PRMT8: variants seen among roughly 807,000 people sequenced by gnomAD.
PRMT8 encodes protein arginine methyltransferase 8.
A neutral mutation model predicts 47.1 loss-of-function variants in PRMT8; 7 were observed. The observed-to-expected ratio is 0.15, with a 90% CI of 0.08 to 0.28. PRMT8 has a LOEUF of 0.28. Among genes scored for constraint, PRMT8 ranks in the 10% least tolerant of loss-of-function variants. The pLI, the probability that PRMT8 is intolerant of heterozygous loss-of-function variation, is 1.00. For synonymous variants in PRMT8, 188 were observed against 186.5 expected, an observed-to-expected ratio of 1.01 and a Z score of -0.07; for missense variants, 237 against 505.4, an observed-to-expected ratio of 0.47 and a Z score of 5.09.
intron 1 of PRMT8, among the ~76,000 whole-genome samples, chr12:3,473,316 G>A (rs551945535): frequency 2.0e-5 from 3 of 151,886 alleles, no homozygotes; most frequent in South Asian, 2.1e-4. Context: ...CAGGCCTCAC[G>A]GACCTCCAGG....
chr12:3,565,781 C>T (rs1209347099), intron 4 of PRMT8, among the ~76,000 whole-genome samples: 3 of 152,184 alleles, frequency 2.0e-5, no homozygotes, highest in African/African-American at 4.8e-5. Flanking sequence ...ACACAGAGAA[C>T]ATGAGCAGCA....
At chr12:3,435,375 G>C (rs536775536) in intron 1 of PRMT8, among the ~76,000 whole-genome samples, 45 of 152,220 alleles carry the variant, frequency 3.0e-4, no homozygotes, top group African/African-American at 9.9e-4. Flanking sequence ...CTGCATATCA[G>C]ACAGGGATAA....
intron 1 of PRMT8, among the ~76,000 whole-genome samples, chr12:3,475,771 G>A (rs766146151): frequency 2.9e-4 from 44 of 151,722 alleles, no homozygotes; most frequent in Non-Finnish European, 5.3e-4. Context: ...GGGATGGGGG[G>A]CCTCGGCTGC....
Position 3,552,313 on chromosome 12 carries a change from T to G in PRMT8, c.418-1338T>G. 1 of 155,804 alleles carries G rather than the reference T, an allele frequency of 6.4e-6. No individual in the cohort carries two copies. Among genetic ancestry groups the G allele is most frequent in the Admixed American group, 6.4e-5 (1 of 15,688 alleles). The allele number at this position is 155,804 out of a possible 1,614,324, so 9.7% of individuals were successfully genotyped here. A position where few individuals can be genotyped will look rare whatever the true frequency, so the allele number is the denominator to read the frequency against. On this transcript the variant is annotated intron_variant, in intron 3 of 9. Coordinates refer to ENST00000382622, the MANE Select transcript of PRMT8 (RefSeq NM_019854.5). The surrounding 1 kb of genome is among the most constrained non-coding windows in gnomAD (Gnocchi z 4.5). ...GAGGAGAAGATGGAAGAAAGGAAAA[T>G]GAGGAGGGAAGGACACCGCCCCGCA...
Position 3,491,324 on chromosome 12 carries a change from G to C in PRMT8, c.-302G>C. The C allele has an allele frequency of 9.2e-7, 1 of 1,090,206 alleles. No individual in the cohort carries two copies. The highest frequency in any genetic ancestry group is 1.7e-5 in the African/African-American group (1 of 60,256). The allele number at this position is 1,090,206 out of a possible 1,614,324, so 67.5% of individuals were successfully genotyped here. ...GCCGCCGCCGCCGCGGAGGCTTCGG[G>C]GCTGCTTCCCTCGAGCTTAGCCCGC... On this transcript the variant is annotated 5_prime_UTR_variant, in exon 1 of 10. Transcript: ENST00000382622.
chr12:3,430,585 C>G (rs1177201979), intron 1 of PRMT8, among the ~76,000 whole-genome samples: 1 of 152,244 alleles, frequency 6.6e-6, no homozygotes, highest in African/African-American at 2.4e-5. Context: ...AACCTTAAGT[C>G]TCTTTCCCTT....
chr12:3,538,544 C>A lies in PRMT8; in HGVS notation c.76-2062C>A. The A allele has an allele frequency of 2.0e-6, 1 of 497,516 alleles. No homozygotes were observed. Among genetic ancestry groups the A allele is most frequent in the Non-Finnish European group, 4.0e-6 (1 of 249,056 alleles). The allele number at this position is 497,516 out of a possible 1,614,324, so 30.8% of individuals were successfully genotyped here. A position where few individuals can be genotyped will look rare whatever the true frequency, so the allele number is the denominator to read the frequency against. On this transcript the variant is annotated intron_variant, in intron 1 of 9. Transcript: ENST00000382622. The surrounding 1 kb of genome is among the most constrained non-coding windows in gnomAD (Gnocchi z 4.6). ...CCAGGAAGCACATGGAAAAGAGAGC[C>A]TTGGAACCAGAGTGGAGTGACAGCT...
rs566433532 is a variant in PRMT8 at position 3,567,497 on chromosome 12, T to C, written c.482-1209T>C. On this transcript the variant is annotated intron_variant, in intron 4 of 9. Coordinates refer to ENST00000382622, the MANE Select transcript of PRMT8 (RefSeq NM_019854.5). ...GGAGGCATCTATGCTTTCTTTGAGT[T>C]TGAATTGTCATGGTAACCTAACATA... 3.3e-5 allele frequency among the ~76,000 whole-genome samples: 5 copies of C among 152,300 alleles called. No homozygotes were observed. The South Asian group carries it at 1.0e-3, about 32-fold the overall frequency.
intron 1 of PRMT8, among the ~76,000 whole-genome samples, chr12:3,442,592 C>T (rs116410882): frequency 1.2e-4 from 18 of 152,266 alleles, no homozygotes; most frequent in African/African-American, 2.9e-4. Context: ...TGGCCTGGAA[C>T]GGGTATGAGG....
At chr12:3,397,533 G>A (rs1434433859) in intron 1 of PRMT8, among the ~76,000 whole-genome samples, 2 of 151,236 alleles carry the variant, frequency 1.3e-5, no homozygotes, top group South Asian at 4.4e-4. Flanking sequence ...GGGGGTCAGG[G>A]GTCAGGGACC....
At chr12:3,488,350 T>G (rs1865341452), upstream of PRMT8, among the ~76,000 whole-genome samples, 1 of 152,152 alleles carries the variant, frequency 6.6e-6, no homozygotes, top group Non-Finnish European at 1.5e-5. Flanking sequence ...CACTCTACTT[T>G]TGTTGTGTTG....
chr12:3,507,207 C>T (rs573475624), intron 1 of PRMT8, among the ~76,000 whole-genome samples: 1 of 151,128 alleles, frequency 6.6e-6, no homozygotes, highest in Admixed American at 6.6e-5. Flanking sequence ...CTGCAAGCTC[C>T]GCCTCCCGGG....
chr12:3,491,270 G>A lies in PRMT8; in HGVS notation c.-356G>A. ...CTGCCTCCGGCCGGCCGGACTTTGC[G>A]AGCAGCCTGGAGAGGATCCGCGACC... On this transcript the variant is annotated 5_prime_UTR_variant, in exon 1 of 10. Coordinates refer to ENST00000382622, the MANE Select transcript of PRMT8 (RefSeq NM_019854.5). 1 of 1,044,360 alleles carries A rather than the reference G, an allele frequency of 9.6e-7. No homozygotes were observed. Among genetic ancestry groups the A allele is most frequent in the Non-Finnish European group, 1.2e-6 (1 of 868,306 alleles). 64.7% of individuals were successfully genotyped at this position (1,044,360 alleles called of 1,614,324 possible).
intron 1 of PRMT8, among the ~76,000 whole-genome samples, chr12:3,398,426 A>G (rs994602439): frequency 6.6e-6 from 1 of 152,190 alleles, no homozygotes; most frequent in Non-Finnish European, 1.5e-5. Flanking sequence ...AGCACTGTTT[A>G]TTGTGTCAAT....
At chr12:3,582,948 C>T (rs1328608818) in intron 7 of PRMT8, 110 bp from the exon 8 acceptor site, 3 of 1,296,636 alleles carry the variant, frequency 2.3e-6, no homozygotes, top group Non-Finnish European at 3.2e-6. Context: ...ATAAAGATAT[C>T]CCTCAGAGAG....
At chr12:3,418,723 C>T (rs534409731) in intron 1 of PRMT8, among the ~76,000 whole-genome samples, 3 of 151,136 alleles carry the variant, frequency 2.0e-5, no homozygotes, top group Non-Finnish European at 3.0e-5. Context: ...CTGCCAGTTT[C>T]TCTTTCAGGT....
At chr12:3,383,073 A>G (rs1005237755) in intron 1 of PRMT8, among the ~76,000 whole-genome samples, 5 of 152,216 alleles carry the variant, frequency 3.3e-5, no homozygotes, top group Non-Finnish European at 5.9e-5. Flanking sequence ...CTATGTGTCT[A>G]TCCTTCCACC....
intron 1 of PRMT8, among the ~76,000 whole-genome samples, chr12:3,532,750 G>T (rs568450639): frequency 2.6e-5 from 4 of 151,782 alleles, no homozygotes; most frequent in Admixed American, 2.0e-4. Flanking sequence ...TAGACCAGTG[G>T]TTTTCAAACT....
rs1416399486 is a variant in PRMT8 at position 3,496,230 on chromosome 12, T to A, written c.75+4530T>A. Among the ~76,000 whole-genome samples the A allele has an allele frequency of 8.5e-3, 698 of 81,664 alleles. 45 individuals carry two copies. The highest frequency in any genetic ancestry group is 0.029 in the African/African-American group (642 of 22,334). 53.6% of individuals were successfully genotyped at this position (81,664 alleles called of 152,430 possible). ...TATATATATATTTTTTTTTTTTTTT[T>A]TTTTTTTTTTGAATGTTCTGTTGAC... On this transcript the variant is annotated intron_variant, in intron 1 of 9. Transcript: ENST00000382622.
Sources: allele counts gnomAD v4.1 joint callset (sites outside exome capture counted in the v4.1 genomes callset), GRCh38; gene constraint gnomAD v4.1.1; non-coding constraint Gnocchi (gnomAD v3.1); transcripts MANE v1.5; gene names NCBI Gene and HGNC (gene_info 2026-07-23, HGNC 2026-07-21).